Variants in ZFAND6 observed in about 807,000 individuals in gnomAD.
ZFAND6 encodes the protein AN1-type zinc finger protein 6.
ZFAND6 carries 12 observed loss-of-function variants against 24.5 expected under a neutral mutation model. The ratio of observed to expected loss-of-function variants is 0.49; its 90% CI spans 0.31 to 0.79. ZFAND6 has a LOEUF of 0.79. Among genes scored for constraint, ZFAND6 ranks in the 30% least tolerant of loss-of-function variants. The probability of loss-of-function intolerance (pLI) is 0.04; values close to 1 mark genes in which losing one functional copy is unlikely to be tolerated. For synonymous variants in ZFAND6, 92 were observed against 81.5 expected, an observed-to-expected ratio of 1.13 and a Z score of -0.69; for missense variants, 207 against 245.9, an observed-to-expected ratio of 0.84 and a Z score of 1.06.
chr15:80,090,245 G>GAAAT (rs1245625866), intron 1 of ZFAND6, among the ~76,000 whole-genome samples: 2 of 152,280 alleles, frequency 1.3e-5, no homozygotes, highest in African/African-American at 4.8e-5. Flanking sequence ...AAGTACTCAA[G>GAAAT]AAATGCCTCT....
chr15:80,082,426 T>TG (rs900608406), intron 1 of ZFAND6, among the ~76,000 whole-genome samples: 7 of 152,214 alleles, frequency 4.6e-5, no homozygotes, highest in African/African-American at 1.4e-4. Context: ...AAAGGTTATG[T>TG]GGCAGAGCCT....
intron 2 of ZFAND6, among the ~76,000 whole-genome samples, chr15:80,103,363 CCT>C (rs2039137099): frequency 6.6e-6 from 1 of 152,004 alleles, no homozygotes; most frequent in Admixed American, 6.6e-5. Flanking sequence ...AGTTTCCTTA[CCT>C]GGTTTTTTTA....
chr15:80,085,536 T>G lies in ZFAND6; in HGVS notation c.-180-12880T>G, dbSNP rs2037940302. 2.0e-5 allele frequency among the ~76,000 whole-genome samples: 3 copies of G among 152,190 alleles called. No homozygotes were observed. The South Asian group carries it at 6.2e-4, about 32-fold the overall frequency. On this transcript the variant is annotated intron_variant, in intron 1 of 6. Transcript: ENST00000261749. ...TTCTGAACTTTTCTGGTCATACAAT[T>G]GAAATACATATTAATTATGGAAAAT...
intron 2 of ZFAND6, among the ~76,000 whole-genome samples, chr15:80,106,756 G>A (rs962316395): frequency 7.2e-5 from 11 of 151,972 alleles, no homozygotes; most frequent in African/African-American, 2.4e-4. Context: ...CCCTGAAATG[G>A]GAGACTAATT....
chr15:80,091,445 G>T (rs2038364535), intron 1 of ZFAND6, among the ~76,000 whole-genome samples: 1 of 151,934 alleles, frequency 6.6e-6, no homozygotes, highest in African/African-American at 2.4e-5. Context: ...AGGTAACCAG[G>T]ACCTTTCGTT....
chr15:80,083,214 A>G (rs2037783456), intron 1 of ZFAND6, among the ~76,000 whole-genome samples: 1 of 152,100 alleles, frequency 6.6e-6, no homozygotes, highest in Non-Finnish European at 1.5e-5. Context: ...GATGGTCTCA[A>G]TCTCCTGACC....
intron 1 of ZFAND6, among the ~76,000 whole-genome samples, chr15:80,097,274 A>G (rs1001311638): frequency 6.6e-6 from 1 of 152,104 alleles, no homozygotes; most frequent in African/African-American, 2.4e-5. Flanking sequence ...TGCTGGGATT[A>G]TAGGTGTGAG....
intron 1 of ZFAND6, among the ~76,000 whole-genome samples, chr15:80,063,018 T>C (rs1016402739): frequency 6.6e-6 from 1 of 152,208 alleles, no homozygotes; most frequent in African/African-American, 2.4e-5. Flanking sequence ...TCTGCTTCAT[T>C]TAAATGTGTA....
chr15:80,060,913 C>T (rs1948601937), intron 1 of ZFAND6, among the ~76,000 whole-genome samples: 1 of 152,028 alleles, frequency 6.6e-6, no homozygotes, highest in Non-Finnish European at 1.5e-5. Flanking sequence ...GAGGGAGACT[C>T]CGTCTCAAAA....
chr15:80,101,121 T>C (rs180932955), intron 2 of ZFAND6, among the ~76,000 whole-genome samples: 2 of 152,318 alleles, frequency 1.3e-5, no homozygotes, highest in Non-Finnish European at 2.9e-5. Flanking sequence ...AGTAGGATAT[T>C]TTCAATTAAG....
intron 1 of ZFAND6, among the ~76,000 whole-genome samples, chr15:80,066,654 G>C (rs997076012): frequency 3.3e-5 from 5 of 151,718 alleles, no homozygotes; most frequent in African/African-American, 7.3e-5. Flanking sequence ...TGTGAAAATT[G>C]CTTTGCAGGC....
At chr15:80,064,745 A>C (rs1157329786) in intron 1 of ZFAND6, among the ~76,000 whole-genome samples, 1 of 152,052 alleles carries the variant, frequency 6.6e-6, no homozygotes, top group Non-Finnish European at 1.5e-5. Flanking sequence ...GGCTGAAGTG[A>C]TTATCCCGCC....
At chr15:80,062,390 T>C (rs114600314) in intron 1 of ZFAND6, among the ~76,000 whole-genome samples, 1 of 152,324 alleles carries the variant, frequency 6.6e-6, no homozygotes, top group African/African-American at 2.4e-5. Flanking sequence ...TAACTCCATA[T>C]TTAAATATGT....
intron 1 of ZFAND6, among the ~76,000 whole-genome samples, chr15:80,078,138 G>A (rs938348324): frequency 6.6e-6 from 1 of 152,166 alleles, no homozygotes; most frequent in African/African-American, 2.4e-5. Flanking sequence ...GTGGTTTGAT[G>A]TACAAACAAT....
At chr15:80,135,580 A>G (rs1016585524) in intron 6 of ZFAND6, among the ~76,000 whole-genome samples, 6 of 152,244 alleles carry the variant, frequency 3.9e-5, no homozygotes, top group Non-Finnish European at 7.3e-5. Context: ...CTTTAGGAAG[A>G]TTATTTCTGG....
intron 6 of ZFAND6, among the ~76,000 whole-genome samples, chr15:80,135,001 C>T (rs1470213399): frequency 6.6e-6 from 1 of 152,156 alleles, no homozygotes; most frequent in African/African-American, 2.4e-5. Context: ...TCAGAAATTA[C>T]ATTGTATTTC....
intron 6 of ZFAND6, among the ~76,000 whole-genome samples, chr15:80,136,923 A>G (rs1483413708): frequency 1.3e-5 from 2 of 152,216 alleles, no homozygotes; most frequent in African/African-American, 2.4e-5. Flanking sequence ...CAGAAACTCA[A>G]GCTCAGAGAG....
intron 1 of ZFAND6, among the ~76,000 whole-genome samples, chr15:80,086,421 A>G (rs2038009925): frequency 6.6e-6 from 1 of 152,216 alleles, no homozygotes; most frequent in African/African-American, 2.4e-5. Flanking sequence ...TAGTAAATTT[A>G]TAAAGTTATG....
intron 1 of ZFAND6, among the ~76,000 whole-genome samples, chr15:80,068,954 T>C (rs140733394): frequency 6.6e-6 from 1 of 152,390 alleles, no homozygotes; most frequent in African/African-American, 2.4e-5. Flanking sequence ...ACTAACTCTG[T>C]TAACTTTTGA....
Sources: allele counts gnomAD v4.1 joint callset (sites outside exome capture counted in the v4.1 genomes callset), GRCh38; gene constraint gnomAD v4.1.1; transcripts MANE v1.5; gene names NCBI Gene and HGNC (gene_info 2026-07-23, HGNC 2026-07-21).